Variants in SYNE1 observed in about 807,000 individuals in gnomAD.
SYNE1 encodes the protein spectrin repeat containing nuclear envelope protein 1.
SYNE1 carries 616 observed loss-of-function variants against 1,111.0 expected under a neutral mutation model. The ratio of observed to expected loss-of-function variants is 0.55; its 90% confidence interval spans 0.52 to 0.59. The LOEUF is 0.59. Among genes scored for constraint, SYNE1 ranks in the 20% least tolerant of loss-of-function variants. The probability of loss-of-function intolerance (pLI) is 0.00; values close to 1 mark genes in which losing one functional copy is unlikely to be tolerated. For synonymous variants in SYNE1, 3,855 were observed against 3,825.8 expected, an observed-to-expected ratio of 1.01 and a Z score of -0.28; for missense variants, 10,006 against 10,417.0, an observed-to-expected ratio of 0.96 and a Z score of 1.72.
At chr6:152,543,809 C>T (rs7767131) in intron 3 of SYNE1, among the ~76,000 whole-genome samples, 3,721 of 152,186 alleles carry the variant, frequency 0.024, 147 homozygotes, top group African/African-American at 0.084. Flanking sequence ...TTACCATGTG[C>T]TACAATTGCT....
At chr6:152,380,603 T>C (rs998399673) in intron 56 of SYNE1, 11 of 268,968 alleles carry the variant, frequency 4.1e-5, no homozygotes, top group Non-Finnish European at 7.2e-5. Flanking sequence ...AGTGAGTCTT[T>C]TAAGGCTATA....
chr6:152,186,928 T>C (rs2153224249), intron 128 of SYNE1, among the ~76,000 whole-genome samples: 1 of 152,358 alleles, frequency 6.6e-6, no homozygotes, highest in African/African-American at 2.4e-5. Flanking sequence ...TCTTTCATTT[T>C]GATACATCAT....
chr6:152,486,118 CTGGGA>C (rs924659495), intron 12 of SYNE1, among the ~76,000 whole-genome samples: 1 of 151,982 alleles, frequency 6.6e-6, no homozygotes, highest in Admixed American at 6.5e-5. Context: ...TCGCTTGAGC[CTGGGA>C]GGCGGAGGTT....
At chr6:152,577,044 T>G (rs1469113188) in intron 3 of SYNE1, among the ~76,000 whole-genome samples, 2 of 152,260 alleles carry the variant, frequency 1.3e-5, no homozygotes, top group Non-Finnish European at 2.9e-5. Context: ...GGCATTTTTT[T>G]GTCATTTCTT....
At position 152,269,911 on chromosome 6, in the gene SYNE1, CT is replaced by C. The variant is rs145367253; in HGVS notation, c.18574-626del. ...CTCAGTTCATATGGGAGAAAATGTA[CT>C]GCAGCATAGAGGCAAGGAGTCTAAA... On this transcript the variant is annotated intron_variant, in intron 98 of 145. Coordinates refer to ENST00000367255, the MANE Select transcript of SYNE1 (RefSeq NM_182961.4). Among the ~76,000 whole-genome samples, 490 of 152,258 alleles carry C rather than the reference CT, an allele frequency of 3.2e-3. 1 individual carries two copies. The highest frequency in any genetic ancestry group is 0.011 in the African/African-American group (462 of 41,554).
At chr6:152,546,562 A>G (rs1251074224) in intron 3 of SYNE1, 1 of 152,216 alleles carries the variant, frequency 6.6e-6, no homozygotes, top group Admixed American at 6.5e-5. Flanking sequence ...CTACACAAGG[A>G]AACTGGTCTA....
At chr6:152,336,674 G>T (rs1563167485) in intron 76 of SYNE1, 167 bp downstream of exon 76, 6 of 872,612 alleles carry the variant, frequency 6.9e-6, no homozygotes, top group Admixed American at 2.0e-5. Context: ...ACATGGACTT[G>T]TGCTTGTCCA....
intron 3 of SYNE1, among the ~76,000 whole-genome samples, chr6:152,607,682 G>A (rs903681853): frequency 5.3e-5 from 8 of 151,862 alleles, no homozygotes; most frequent in African/African-American, 1.2e-4. Flanking sequence ...CCCATTACTG[G>A]GTATATACCC....
At chr6:152,280,893 A>G (rs1435308260) in intron 97 of SYNE1, among the ~76,000 whole-genome samples, 1 of 152,234 alleles carries the variant, frequency 6.6e-6, no homozygotes, top group Non-Finnish European at 1.5e-5. Context: ...AATCCGAATG[A>G]TAATGATCAA....
rs542819749 is a variant in SYNE1, at chr6:152,472,404, G to C, written c.1360C>G (p.Gln454Glu). The C allele has an allele frequency of 3.1e-6, 5 of 1,613,520 alleles. No homozygotes were observed. In the Admixed American group the frequency reaches 6.7e-5, roughly 22 times the overall value. ...GCTCTTTTGTGGGCATCCGTGTTTTGAAGCAGATCCTAAGATACAGTTTAA... is the reference window on the plus strand; with the variant it reads ...GCTCTTTTGTGGGCATCCGTGTTTTCAAGCAGATCCTAAGATACAGTTTAA... ...RKLEQHKDLL[Q>E]NTDAHKRAFH... The change falls in exon 15 of 146, where the codon CAA (glutamine) becomes GAA (glutamate). Residue 454 changes from glutamine to glutamate, a missense_variant. Around this residue, in one of 7 missense-constraint regions of SYNE1, gnomAD observed 1,971 missense variants for 2,084.1 expected, o/e 0.95. Coordinates refer to ENST00000367255, the MANE Select transcript of SYNE1 (RefSeq NM_182961.4).
chr6:152,515,096 C>G lies in SYNE1; in HGVS notation c.310-3993G>C, dbSNP rs112791220. On this transcript the variant is annotated intron_variant, in intron 6 of 145. Coordinates refer to ENST00000367255, the MANE Select transcript of SYNE1 (RefSeq NM_182961.4). ...AATTAGCTAGGCTTGGTGGCGCATG[C>G]CTGTAGTCCCAGCTACTCGGGAGGC... is the stretch of plus-strand genomic sequence containing the variant. Among the ~76,000 whole-genome samples, 125 of 152,032 alleles carry G rather than the reference C, an allele frequency of 8.2e-4. 1 individual carries two copies. Among genetic ancestry groups the G allele is most frequent in the African/African-American group, 2.8e-3 (117 of 41,464 alleles).
At chr6:152,225,477 C>A (rs1279143182) in intron 116 of SYNE1, among the ~76,000 whole-genome samples, 1 of 151,390 alleles carries the variant, frequency 6.6e-6, no homozygotes, top group Non-Finnish European at 1.5e-5. Context: ...TGAGAATGAT[C>A]TATTGCCATG....
chr6:152,385,400 A>C (rs886873175), intron 55 of SYNE1, among the ~76,000 whole-genome samples: 2 of 152,234 alleles, frequency 1.3e-5, no homozygotes, highest in Admixed American at 6.5e-5. Context: ...TGGTTTTGTC[A>C]GCCCACCAAA....
chr6:152,451,832 C>T (rs1338921972), intron 25 of SYNE1, among the ~76,000 whole-genome samples: 1 of 151,998 alleles, frequency 6.6e-6, no homozygotes, highest in African/African-American at 2.4e-5. Context: ...CATTAAGTCT[C>T]AGGGGTAAGT....
intron 33 of SYNE1, chr6:152,435,481 G>C (rs1307033241): frequency 1.4e-4 from 22 of 157,220 alleles, no homozygotes; most frequent in Non-Finnish European, 2.4e-4. Context: ...TGAATACCGA[G>C]GCACTGTAAA....
rs373922221 is a variant in SYNE1, at chr6:152,532,621, T to C, written c.130-6446A>G. Among the ~76,000 whole-genome samples, 111 of 152,252 alleles carry C rather than the reference T, an allele frequency of 7.3e-4. 3 individuals are homozygous for C. In the South Asian group the frequency reaches 0.022, roughly 30 times the overall value. On this transcript the variant is annotated intron_variant, in intron 4 of 145. Transcript: ENST00000367255. ...GTCATGACCTGAGATAGTCACAACATTTTCTTCTGCAGAGCATGTAGGGAG... is the reference window on the plus strand; with the variant it reads ...GTCATGACCTGAGATAGTCACAACACTTTCTTCTGCAGAGCATGTAGGGAG...
intron 98 of SYNE1, among the ~76,000 whole-genome samples, chr6:152,273,196 T>C (rs1359455524): frequency 2.6e-5 from 4 of 152,362 alleles, no homozygotes; most frequent in African/African-American, 7.2e-5. Flanking sequence ...AGAATTCCCG[T>C]GGACCTGGGC....
chr6:152,267,834 C>T (rs2092846961), intron 100 of SYNE1, among the ~76,000 whole-genome samples: 1 of 152,140 alleles, frequency 6.6e-6, no homozygotes, highest in South Asian at 2.1e-4. Flanking sequence ...ATAGGCTGCG[C>T]AGGCTGGAAG....
chr6:152,321,991 C>A, intron 82 of SYNE1, 105 bp from the exon 83 acceptor site: 3 of 1,277,886 alleles, frequency 2.3e-6, no homozygotes, highest in Non-Finnish European at 3.4e-6. Flanking sequence ...AACCTAGTAT[C>A]TTTTTTGAAA....
Sources: gnomAD v4.1 joint callset for allele counts (sites outside exome capture counted in the v4.1 genomes callset) on GRCh38, gnomAD v4.1.1 for gene constraint, gnomAD v4.1.1 regional missense constraint, MANE v1.5 for transcripts, NCBI Gene and HGNC (gene_info 2026-07-23, HGNC 2026-07-21) for gene names.